HS2ST1: variants seen among roughly 807,000 people sequenced by gnomAD.
The protein encoded by HS2ST1 is heparan sulfate 2-O-sulfotransferase 1.
Under a neutral mutation model 42.9 loss-of-function variants are expected in HS2ST1, and 18 were observed. That is an observed-to-expected ratio of 0.42 (90% CI 0.29 to 0.62). The LOEUF (loss-of-function observed/expected upper bound fraction) is 0.62, where lower values mean the gene tolerates loss of function less well. Ranked by LOEUF, HS2ST1 falls within the 20% of genes least tolerant of loss-of-function variation. The pLI is 0.21. For synonymous variants in HS2ST1, 146 were observed against 152.9 expected (o/e 0.95, Z 0.33); for missense variants, 334 against 433.8 (o/e 0.77, Z 2.04).
At chr1:86,973,442 C>T (rs1648297283) in intron 1 of HS2ST1, among the ~76,000 whole-genome samples, 1 of 152,054 alleles carries the variant, frequency 6.6e-6, no homozygotes, top group African/African-American at 2.4e-5. Flanking sequence ...TTAGACAGAT[C>T]TGATTTCAAA....
chr1:87,058,383 T>C (rs894722420), intron 1 of HS2ST1, among the ~76,000 whole-genome samples: 5 of 151,826 alleles, frequency 3.3e-5, no homozygotes, highest in Non-Finnish European at 7.3e-5. Context: ...CAATAACTTT[T>C]CAAGTATTTC....
At chr1:86,939,783 T>C (rs774880827) in intron 1 of HS2ST1, among the ~76,000 whole-genome samples, 2 of 152,356 alleles carry the variant, frequency 1.3e-5, no homozygotes, top group East Asian at 1.9e-4. Flanking sequence ...TGTAAAATGA[T>C]ATTCTTGAGT....
In HS2ST1 at chr1:87,092,643, C is replaced by A; in HGVS notation, c.562C>A (p.Arg188=). ...TGGAGATGATTATAGACCAGGGTTA[C>A]GGAGACGAAAACAAGGAGACAAAAA... is the stretch of plus-strand genomic sequence containing the variant. ...RFGDDYRPGL[R]RRKQGDKKTF... is the part of the protein sequence containing the mutation. The change falls in exon 4 of 7, where the codon CGG becomes AGG. Residue 188 remains arginine, a synonymous_variant. Transcript: ENST00000370550. 6.5e-7 allele frequency: 1 copy of A among 1,539,900 alleles called. No individual in the cohort carries two copies. The highest frequency in any genetic ancestry group is 8.7e-7 in the Non-Finnish European group (1 of 1,148,788).
intron 1 of HS2ST1, among the ~76,000 whole-genome samples, chr1:86,967,429 C>A (rs1469535548): frequency 6.6e-6 from 1 of 152,100 alleles, no homozygotes; most frequent in Non-Finnish European, 1.5e-5. Flanking sequence ...AATATGTAGT[C>A]TTTTATTCCA....
intron 1 of HS2ST1, among the ~76,000 whole-genome samples, chr1:87,019,238 T>C (rs1194461275): frequency 6.6e-6 from 1 of 152,224 alleles, no homozygotes; most frequent in Non-Finnish European, 1.5e-5. Context: ...AGTAATTTTA[T>C]GAAGCAGGTT....
chr1:87,033,929 C>T (rs1650304418), intron 1 of HS2ST1, among the ~76,000 whole-genome samples: 1 of 152,118 alleles, frequency 6.6e-6, no homozygotes, highest in Non-Finnish European at 1.5e-5. Context: ...TATACCACCA[C>T]AGTGAGCAAT....
intron 1 of HS2ST1, among the ~76,000 whole-genome samples, chr1:86,985,499 C>T (rs28399143): frequency 0.01 from 745 of 73,412 alleles, 18 homozygotes; most frequent in African/African-American, 0.03. Context: ...TATATATACA[C>T]ATATATACAC....
chr1:86,999,049 A>G (rs997651693), intron 1 of HS2ST1, among the ~76,000 whole-genome samples: 6 of 152,166 alleles, frequency 3.9e-5, no homozygotes, highest in African/African-American at 1.4e-4. Context: ...TTAACCCTCA[A>G]AGGGAAAGAG....
intron 1 of HS2ST1, among the ~76,000 whole-genome samples, chr1:86,924,144 G>C (rs1292973450): frequency 6.6e-6 from 1 of 152,176 alleles, no homozygotes; most frequent in African/African-American, 2.4e-5. Context: ...GAAATCCAGC[G>C]GGGCAGTGAA....
At chr1:87,055,467 C>T (rs1367502444) in intron 1 of HS2ST1, among the ~76,000 whole-genome samples, 1 of 152,210 alleles carries the variant, frequency 6.6e-6, no homozygotes, top group African/African-American at 2.4e-5. Context: ...CAGTTGCTTT[C>T]CTTCAAGTCT....
chr1:87,054,946 CA>C (rs1650923693), intron 1 of HS2ST1, among the ~76,000 whole-genome samples: 1 of 152,200 alleles, frequency 6.6e-6, no homozygotes. Context: ...CTAATTAATA[CA>C]GTGCCCCCTT....
chr1:86,988,085 G>A (rs991545713), intron 1 of HS2ST1, among the ~76,000 whole-genome samples: 2 of 152,160 alleles, frequency 1.3e-5, no homozygotes, highest in African/African-American at 4.8e-5. Flanking sequence ...GTGGGAAAAT[G>A]AAAGGGTTTT....
At chr1:87,007,072 T>C (rs1313584430) in intron 1 of HS2ST1, among the ~76,000 whole-genome samples, 1 of 152,100 alleles carries the variant, frequency 6.6e-6, no homozygotes, top group Non-Finnish European at 1.5e-5. Context: ...TAAAGATTTT[T>C]TGGTCAACAA....
At chr1:86,972,705 G>A (rs983845125) in intron 1 of HS2ST1, among the ~76,000 whole-genome samples, 1 of 152,200 alleles carries the variant, frequency 6.6e-6, no homozygotes, top group African/African-American at 2.4e-5. Context: ...TCCTTACACA[G>A]TTTCATCTAA....
In HS2ST1 at chr1:86,914,985, G is replaced by A; in HGVS notation, c.-52G>A. On this transcript the variant is annotated 5_prime_UTR_variant, in exon 1 of 7. Coordinates refer to ENST00000370550, the MANE Select transcript of HS2ST1 (RefSeq NM_012262.4). ...CTCCCGGCGTCTCTCTCGCCTCCGG[G>A]GTCCCGCTCCCCGCCCCCCGCGGTA... 1.2e-6 allele frequency: 2 copies of A among 1,610,202 alleles called. No homozygotes were observed. The highest frequency in any genetic ancestry group is 1.7e-6 in the Non-Finnish European group (2 of 1,179,048).
chr1:86,947,532 A>G (rs1467715064), intron 1 of HS2ST1, among the ~76,000 whole-genome samples: 1 of 150,816 alleles, frequency 6.6e-6, no homozygotes, highest in Admixed American at 6.6e-5. Context: ...ATTTTTAAAT[A>G]TTTAAATTCC....
intron 1 of HS2ST1, chr1:87,045,526 A>T (rs778266354): frequency 3.5e-4 from 290 of 837,030 alleles, no homozygotes; most frequent in Non-Finnish European, 5.4e-4. Context: ...GCACATATGT[A>T]ACAATTGGGG....
intron 1 of HS2ST1, among the ~76,000 whole-genome samples, chr1:87,048,234 G>C (rs4484904): frequency 1.3e-4 from 19 of 151,958 alleles, no homozygotes; most frequent in Non-Finnish European, 2.5e-4. Context: ...ATTGATTTAG[G>C]TATATTGATT....
intron 1 of HS2ST1, among the ~76,000 whole-genome samples, chr1:87,042,032 A>G (rs1216289935): frequency 6.6e-6 from 1 of 152,008 alleles, no homozygotes; most frequent in African/African-American, 2.4e-5. Flanking sequence ...TTTTAAAAGC[A>G]TTTTCCTTAT....
Sources: allele counts gnomAD v4.1 joint callset (sites outside exome capture counted in the v4.1 genomes callset), GRCh38; gene constraint gnomAD v4.1.1; transcripts MANE v1.5; gene names NCBI Gene and HGNC (gene_info 2026-07-23, HGNC 2026-07-21).